COL4A6: variants seen among roughly 807,000 people sequenced by gnomAD.
The protein encoded by COL4A6 is collagen alpha-6(IV) chain.
COL4A6 carries 59 observed loss-of-function variants against 126.7 expected under a neutral mutation model. That is an observed-to-expected ratio of 0.47 (90% CI 0.38 to 0.58). COL4A6 has a LOEUF of 0.58. COL4A6 is among the 20% of genes least tolerant of loss of function. The pLI is 0.00. For synonymous variants in COL4A6, 547 were observed against 496.6 expected, an observed-to-expected ratio of 1.10 and a Z score of -1.35; for missense variants, 1,285 against 1,337.3, an observed-to-expected ratio of 0.96 and a Z score of 0.61.
At chrX:108,413,748 T>A (rs1165944566) in intron 2 of COL4A6, among the ~76,000 whole-genome samples, 2 of 112,031 alleles carry the variant, frequency 1.8e-5, no homozygotes, top group Non-Finnish European at 1.9e-5. Flanking sequence ...CAGTTAGAAC[T>A]GGTTTCCCAG....
At chrX:108,401,757 C>A (rs955708128) in intron 2 of COL4A6, among the ~76,000 whole-genome samples, 2 of 111,185 alleles carry the variant, frequency 1.8e-5, no homozygotes, top group South Asian at 3.7e-4. Flanking sequence ...AAAACCAAGA[C>A]CTAAAACTCA....
chrX:108,215,825 T>C (rs1242128759), intron 5 of COL4A6, among the ~76,000 whole-genome samples: 1 of 111,324 alleles, frequency 9.0e-6, no homozygotes, highest in Non-Finnish European at 1.9e-5. Context: ...CGTTCCACCA[T>C]CCATTGTTGT....
At chrX:108,336,114 G>C (rs750689364) in intron 2 of COL4A6, among the ~76,000 whole-genome samples, 1 of 111,690 alleles carries the variant, frequency 9.0e-6, no homozygotes, top group African/African-American at 3.3e-5. Context: ...ATATGACTCA[G>C]CAATTGCATT....
At chrX:108,287,671 G>A (rs911500979) in intron 3 of COL4A6, among the ~76,000 whole-genome samples, 3 of 111,893 alleles carry the variant, frequency 2.7e-5, no homozygotes, top group African/African-American at 6.5e-5. Context: ...GTCTAGGTTA[G>A]TTTCCTTACA....
chrX:108,222,405 C>G (rs1337966360), intron 3 of COL4A6, among the ~76,000 whole-genome samples: 1 of 112,388 alleles, frequency 8.9e-6, no homozygotes, highest in Non-Finnish European at 1.9e-5. Flanking sequence ...TCATTTCCTA[C>G]AAATCTGTGA....
At chrX:108,333,275 T>C (rs1175287882) in intron 2 of COL4A6, among the ~76,000 whole-genome samples, 1 of 111,389 alleles carries the variant, frequency 9.0e-6, no homozygotes, top group Non-Finnish European at 1.9e-5. Flanking sequence ...TGCAAATCAA[T>C]AAATGTGATT....
At chrX:108,226,369 G>T (rs185328716) in intron 3 of COL4A6, among the ~76,000 whole-genome samples, 2 of 111,837 alleles carry the variant, frequency 1.8e-5, no homozygotes, top group Admixed American at 1.9e-4. Flanking sequence ...TGGGGGCAGA[G>T]ATGTGTGCTT....
At chrX:108,298,791 GA>G (rs1569414527) in intron 3 of COL4A6, among the ~76,000 whole-genome samples, 2 of 109,684 alleles carry the variant, frequency 1.8e-5, no homozygotes, top group Admixed American at 1.9e-4. Flanking sequence ...AGGGACCTTG[GA>G]GGCCTTCAAG....
Position 108,221,253 on chromosome X carries a change from G to T in COL4A6, c.266C>A (p.Pro89Gln), listed in dbSNP as rs770498090. The T allele has an allele frequency of 2.5e-6, 3 of 1,209,558 alleles. No individual in the cohort carries two copies. Among genetic ancestry groups the T allele is most frequent in the Non-Finnish European group, 2.2e-6 (2 of 894,755 alleles). ...GFPGLLGPYG[P>Q]KGDKGPMGVP... ...TGCTGGTCTTACCTTATCTCCTTTT[G>T]GTCCATAAGGTCCCAGAAGGCCTGG... is the stretch of plus-strand genomic sequence containing the variant. Residue 89 changes from proline to glutamine, a missense_variant, in exon 4 of 45, where the codon CCA becomes CAA. Transcript: ENST00000334504.
At chrX:108,435,239 C>G (rs2064244668) in intron 2 of COL4A6, among the ~76,000 whole-genome samples, 1 of 111,623 alleles carries the variant, frequency 9.0e-6, no homozygotes, top group African/African-American at 3.3e-5. Flanking sequence ...TAGACCTTTT[C>G]CTGAAAGCTC....
intron 2 of COL4A6, among the ~76,000 whole-genome samples, chrX:108,400,505 G>A (rs903186372): frequency 2.7e-5 from 3 of 111,417 alleles, no homozygotes; most frequent in African/African-American, 9.8e-5. Flanking sequence ...TTTCTATCTA[G>A]GGTCCAAATA....
intron 3 of COL4A6, 132 bp from the exon 4 acceptor site, chrX:108,221,506 A>G: frequency 4.3e-6 from 3 of 693,709 alleles, no homozygotes; most frequent in Middle Eastern, 5.0e-4. Flanking sequence ...GAGGCACGCC[A>G]AAGTTCCAGA....
At chrX:108,400,854 T>C (rs1053546770) in intron 2 of COL4A6, among the ~76,000 whole-genome samples, 1 of 112,109 alleles carries the variant, frequency 8.9e-6, no homozygotes, top group Admixed American at 9.5e-5. Flanking sequence ...CCATGAACTA[T>C]TTTTGACACA....
Position 108,160,659 on chromosome X carries a change from G to C in COL4A6, c.4334-5C>G. 2.5e-6 allele frequency: 3 copies of C among 1,197,128 alleles called. No homozygotes were observed. Among genetic ancestry groups the C allele is most frequent in the Non-Finnish European group, 3.4e-6 (3 of 887,758 alleles). Reference sequence around the variant, plus strand: ...GGCCTTGCTGCCCTGGAGCTCCTGAGAGAGACAGATCATAAAAGGTGAGTG... The same window carrying C: ...GGCCTTGCTGCCCTGGAGCTCCTGACAGAGACAGATCATAAAAGGTGAGTG... On this transcript the variant is annotated splice_region_variant and splice_polypyrimidine_tract_variant and intron_variant, in intron 42 of 44. Coordinates refer to ENST00000334504, the MANE Select transcript of COL4A6 (RefSeq NM_033641.4).
At chrX:108,385,689 T>A (rs2040670610) in intron 2 of COL4A6, among the ~76,000 whole-genome samples, 1 of 111,813 alleles carries the variant, frequency 8.9e-6, no homozygotes, top group African/African-American at 3.3e-5. Context: ...CATAAACCCA[T>A]ACATCTTGGT....
At chrX:108,319,329 C>A (rs919065511) in intron 2 of COL4A6, among the ~76,000 whole-genome samples, 2 of 112,078 alleles carry the variant, frequency 1.8e-5, no homozygotes, top group Non-Finnish European at 3.8e-5. Flanking sequence ...CTGCACCCAG[C>A]CTGAGTGACA....
At chrX:108,419,743 A>G (rs2041497233) in intron 2 of COL4A6, among the ~76,000 whole-genome samples, 1 of 111,915 alleles carries the variant, frequency 8.9e-6, no homozygotes, top group African/African-American at 3.2e-5. Flanking sequence ...CTATTACCAT[A>G]ACACTAAATA....
At chrX:108,212,185 A>G (rs1345281849) in intron 6 of COL4A6, among the ~76,000 whole-genome samples, 1 of 107,727 alleles carries the variant, frequency 9.3e-6, no homozygotes, top group Non-Finnish European at 1.9e-5. Context: ...TCATATCTAA[A>G]CTCTGTTTTA....
chrX:108,285,403 T>C (rs1437075994), intron 3 of COL4A6, among the ~76,000 whole-genome samples: 1 of 112,391 alleles, frequency 8.9e-6, no homozygotes, highest in Non-Finnish European at 1.9e-5. Context: ...ATAGTTGTGA[T>C]GCTAATCATA....
Sources: gnomAD v4.1 joint callset for allele counts (sites outside exome capture counted in the v4.1 genomes callset) on GRCh38, gnomAD v4.1.1 for gene constraint, MANE v1.5 for transcripts, NCBI Gene and HGNC (gene_info 2026-07-23, HGNC 2026-07-21) for gene names.